Variants in PRKG1 observed in about 807,000 individuals in gnomAD.
The protein encoded by PRKG1 is protein kinase cGMP-dependent 1.
In PRKG1, 35 loss-of-function variants were observed where a neutral mutation model predicts 88.1. The ratio of observed to expected loss-of-function variants is 0.40; its 90% CI spans 0.30 to 0.53. The LOEUF (loss-of-function observed/expected upper bound fraction) is 0.53, where lower values mean the gene tolerates loss of function less well. Among genes scored for constraint, PRKG1 ranks in the 20% least tolerant of loss-of-function variants. The pLI is 0.59. For missense variants in PRKG1, 540 were observed against 839.8 expected, an observed-to-expected ratio of 0.64 and a Z score of 4.41; for synonymous variants, 303 against 292.5, an observed-to-expected ratio of 1.04 and a Z score of -0.37.
chr10:51,625,699 T>A (rs1839318679), intron 3 of PRKG1, among the ~76,000 whole-genome samples: 1 of 151,618 alleles, frequency 6.6e-6, no homozygotes, highest in African/African-American at 2.4e-5. Flanking sequence ...ATTTAAATTA[T>A]GCTTCAATAA....
At chr10:51,628,990 AAC>A (rs1221593145) in intron 3 of PRKG1, among the ~76,000 whole-genome samples, 31 of 151,548 alleles carry the variant, frequency 2.0e-4, no homozygotes, top group African/African-American at 7.3e-4. Context: ...CAAAAACAAA[AAC>A]CAAAAAAACT....
At chr10:51,913,527 G>A (rs866140386) in intron 5 of PRKG1, among the ~76,000 whole-genome samples, 16 of 152,084 alleles carry the variant, frequency 1.1e-4, no homozygotes, top group African/African-American at 3.4e-4. Context: ...CCTTTGTATA[G>A]TGAATCACTC....
chr10:51,763,890 A>G (rs963942619), intron 3 of PRKG1, among the ~76,000 whole-genome samples: 2 of 152,172 alleles, frequency 1.3e-5, no homozygotes, highest in Non-Finnish European at 2.9e-5. Flanking sequence ...AGACTAGCTT[A>G]GATCTCTCTC....
chr10:51,144,808 G>A (rs529301609), intron 1 of PRKG1, among the ~76,000 whole-genome samples: 4 of 152,102 alleles, frequency 2.6e-5, no homozygotes, highest in East Asian at 1.9e-4. Context: ...GTAATGAAGC[G>A]AAATTTGGCT....
chr10:51,861,727 A>G (rs567459514), intron 4 of PRKG1, among the ~76,000 whole-genome samples: 3 of 152,354 alleles, frequency 2.0e-5, no homozygotes, highest in Admixed American at 6.5e-5. Context: ...GTGATTTTGA[A>G]TAACAAATCA....
At chr10:51,267,318 A>G (rs1240902883) in intron 2 of PRKG1, among the ~76,000 whole-genome samples, 2 of 152,190 alleles carry the variant, frequency 1.3e-5, no homozygotes, top group Non-Finnish European at 2.9e-5. Flanking sequence ...ATTTTTGTTA[A>G]CATCATATAA....
chr10:51,217,203 A>T (rs1330422071), intron 2 of PRKG1, among the ~76,000 whole-genome samples: 1 of 152,132 alleles, frequency 6.6e-6, no homozygotes, highest in African/African-American at 2.4e-5. Flanking sequence ...GAGATGTGTG[A>T]CCTTCTTTCA....
chr10:52,166,799 A>G lies in PRKG1; in HGVS notation c.1076+4836A>G, dbSNP rs796396456. Among the ~76,000 whole-genome samples, 61 of 70,798 alleles carry G rather than the reference A, an allele frequency of 8.6e-4. 7 individuals are homozygous for G. Among genetic ancestry groups the G allele is most frequent in the Middle Eastern group, 6.5e-3 (1 of 154 alleles). The allele number at this position is 70,798 out of a possible 152,430, so 46.4% of individuals were successfully genotyped here. ...CAAATAAAAAAGCCTATATATATAC[A>G]TATATATATGTATATATATGTATAT... On this transcript the variant is annotated intron_variant, in intron 9 of 17. Coordinates refer to ENST00000373980, the MANE Select transcript of PRKG1 (RefSeq NM_006258.4).
chr10:52,173,213 G>C (rs1838758914), intron 9 of PRKG1, among the ~76,000 whole-genome samples: 1 of 152,152 alleles, frequency 6.6e-6, no homozygotes, highest in Admixed American at 6.5e-5. Flanking sequence ...TAAGGTGCTT[G>C]CTTTATTCAA....
intron 1 of PRKG1, among the ~76,000 whole-genome samples, chr10:51,030,571 T>C (rs1233300083): frequency 6.6e-6 from 1 of 152,180 alleles, no homozygotes. Flanking sequence ...TGGATATTTG[T>C]CCCTTCCAGA....
chr10:51,167,111 T>A (rs1464562924), intron 2 of PRKG1, among the ~76,000 whole-genome samples: 2 of 152,200 alleles, frequency 1.3e-5, no homozygotes, highest in East Asian at 3.9e-4. Context: ...GGGAAAAAGA[T>A]AAAACTGTGT....
intron 3 of PRKG1, among the ~76,000 whole-genome samples, chr10:51,764,788 T>C (rs1838113270): frequency 6.6e-6 from 1 of 152,192 alleles, no homozygotes. Context: ...AAGTTGATGA[T>C]ATTATGAAGT....
chr10:51,641,284 C>T (rs940635482), intron 3 of PRKG1, among the ~76,000 whole-genome samples: 1 of 152,130 alleles, frequency 6.6e-6, no homozygotes, highest in African/African-American at 2.4e-5. Flanking sequence ...ACCACCACCA[C>T]ATTAATTGTC....
At chr10:52,242,273 G>A (rs1164597213) in intron 9 of PRKG1, 1 of 152,144 alleles carries the variant, frequency 6.6e-6, no homozygotes, top group Non-Finnish European at 1.5e-5. Context: ...TCAGGACTGA[G>A]GTTCAGAGAG....
intron 2 of PRKG1, among the ~76,000 whole-genome samples, chr10:51,322,838 T>G (rs1440058725): frequency 6.6e-6 from 1 of 152,220 alleles, no homozygotes; most frequent in Non-Finnish European, 1.5e-5. Flanking sequence ...TCATGCACAC[T>G]AAGGTTGACT....
Position 51,655,367 on chromosome 10 carries a change from A to G in PRKG1, c.593-149218A>G, listed in dbSNP as rs187777063. 3.5e-3 allele frequency among the ~76,000 whole-genome samples: 530 copies of G among 152,294 alleles called. 3 individuals are homozygous for G. The highest frequency in any genetic ancestry group is 0.012 in the African/African-American group (510 of 41,574). ...AAGGAGTAGGAAATATATGTCCAGC[A>G]TATAATGGATACTTTGTAAACATTG... On this transcript the variant is annotated intron_variant, in intron 3 of 17. Transcript: ENST00000373980.
intron 3 of PRKG1, among the ~76,000 whole-genome samples, chr10:51,741,733 T>C (rs1217088738): frequency 6.6e-6 from 1 of 152,174 alleles, no homozygotes; most frequent in East Asian, 1.9e-4. Flanking sequence ...AGAAGAATAA[T>C]ACCTTTATTA....
chr10:52,116,678 C>A (rs1200091037), intron 7 of PRKG1, among the ~76,000 whole-genome samples: 1 of 152,094 alleles, frequency 6.6e-6, no homozygotes, highest in African/African-American at 2.4e-5. Context: ...GAACAAGAAT[C>A]TATTGGGATT....
intron 6 of PRKG1, among the ~76,000 whole-genome samples, chr10:52,060,697 A>C (rs1037596480): frequency 2.6e-5 from 4 of 151,920 alleles, no homozygotes; most frequent in Non-Finnish European, 4.4e-5. Context: ...ATTTTCATCC[A>C]TTGATGGTAG....
Sources: gnomAD v4.1 joint callset for allele counts (sites outside exome capture counted in the v4.1 genomes callset) on GRCh38, gnomAD v4.1.1 for gene constraint, MANE v1.5 for transcripts, NCBI Gene and HGNC (gene_info 2026-07-23, HGNC 2026-07-21) for gene names.